Variants in PTPRN2 observed in about 807,000 individuals in gnomAD.
PTPRN2 encodes the protein protein tyrosine phosphatase receptor type N2, also known as receptor-type tyrosine-protein phosphatase N2.
A neutral mutation model predicts 118.8 loss-of-function variants in PTPRN2; 74 were observed. The observed-to-expected ratio is 0.62, with a 90% CI of 0.52 to 0.76. PTPRN2 has a LOEUF of 0.76. Ranked by LOEUF, PTPRN2 falls within the 30% of genes least tolerant of loss-of-function variation. The pLI is 0.00. For synonymous variants in PTPRN2, 641 were observed against 608.0 expected, an observed-to-expected ratio of 1.05 and a Z score of -0.80; for missense variants, 1,481 against 1,394.4, an observed-to-expected ratio of 1.06 and a Z score of -0.99.
chr7:157,603,879 T>C lies in PTPRN2; in HGVS notation c.2418+123A>G, dbSNP rs997179212. The stretch of plus-strand genomic sequence containing the variant: ...AGCCCAATGGGCAGAGTCGGCCCTG[T>C]CCACCGCAGAGACGCTGAGCTGGGT... On this transcript the variant is annotated intron_variant, in intron 16 of 22. Transcript: ENST00000389418. The surrounding 1 kb of genome is among the most constrained non-coding windows in gnomAD (Gnocchi z 5.4). 1.1e-6 allele frequency: 1 copy of C among 900,170 alleles called. No homozygotes were observed. The highest frequency in any genetic ancestry group is 1.7e-6 in the Non-Finnish European group (1 of 589,774). The allele number at this position is 900,170 out of a possible 1,614,324, so 55.8% of individuals were successfully genotyped here.
intron 11 of PTPRN2, among the ~76,000 whole-genome samples, chr7:157,923,608 C>T (rs1305582107): frequency 6.6e-6 from 1 of 152,152 alleles, no homozygotes; most frequent in Non-Finnish European, 1.5e-5. Flanking sequence ...AAATGTCAGA[C>T]CATTGATGGC....
rs531657093 is a variant in PTPRN2 at position 158,485,634 on chromosome 7, T to A, written c.163+4101A>T. The stretch of plus-strand genomic sequence containing the variant: ...CCCCGCCTGCTCGGCCACCCCTCTC[T>A]GCACCCCTCCTGCACAGGCCTCTCC... On this transcript the variant is annotated intron_variant, in intron 2 of 22. Transcript: ENST00000389418. Among the ~76,000 whole-genome samples the A allele has an allele frequency of 8.1e-5, 11 of 136,576 alleles. 3 individuals carry two copies. In the South Asian group the frequency reaches 1.5e-3, roughly 19 times the overall value. 89.6% of individuals were successfully genotyped at this position (136,576 alleles called of 152,430 possible). A position where few individuals can be genotyped will look rare whatever the true frequency, so the allele number is the denominator to read the frequency against.
intron 1 of PTPRN2, among the ~76,000 whole-genome samples, chr7:158,553,538 C>A (rs1388367884): frequency 6.6e-6 from 1 of 151,182 alleles, no homozygotes; most frequent in Non-Finnish European, 1.5e-5. Flanking sequence ...GTCTACATCG[C>A]CTTCCCTGTC....
At chr7:158,406,934 G>A (rs1417494706) in intron 2 of PTPRN2, among the ~76,000 whole-genome samples, 1 of 152,210 alleles carries the variant, frequency 6.6e-6, no homozygotes, top group East Asian at 1.9e-4. Flanking sequence ...TGTAAATACT[G>A]GACAAAGTCT....
intron 12 of PTPRN2, among the ~76,000 whole-genome samples, chr7:157,834,685 C>T (rs978446461): frequency 5.9e-5 from 9 of 152,242 alleles, no homozygotes; most frequent in East Asian, 1.9e-4. Context: ...AGTGCACGCT[C>T]GCAGAGGGGA....
intron 3 of PTPRN2, among the ~76,000 whole-genome samples, chr7:158,303,822 C>A (rs1319645233): frequency 6.6e-6 from 1 of 152,206 alleles, no homozygotes; most frequent in South Asian, 2.1e-4. Context: ...TTTAATATAA[C>A]GTCAGGGCTG....
chr7:158,083,176 T>C (rs1028825777), intron 10 of PTPRN2, among the ~76,000 whole-genome samples: 15 of 152,174 alleles, frequency 9.9e-5, no homozygotes, highest in African/African-American at 3.4e-4. Context: ...TTATAGATGT[T>C]TTCCTTCTTC....
At chr7:158,095,536 G>C (rs9654673) in intron 10 of PTPRN2, among the ~76,000 whole-genome samples, 50,308 of 151,764 alleles carry the variant, frequency 0.33, 8,526 homozygotes, top group Admixed American at 0.43. Flanking sequence ...TCAGTAATCT[G>C]CCCAGGGCCT....
rs199768281 is a variant in PTPRN2 at position 157,565,526 on chromosome 7, TG to T, written c.2902+3375del. On this transcript the variant is annotated intron_variant, in intron 21 of 22. Coordinates refer to ENST00000389418, the MANE Select transcript of PTPRN2 (RefSeq NM_002847.5). Reference sequence around the variant, plus strand: ...CTTCCGGCCCAGGCGCAGACCCTGGTGGGAATGCCGTGGAAGTTTGGCCACA... The same window carrying T: ...CTTCCGGCCCAGGCGCAGACCCTGGTGGAATGCCGTGGAAGTTTGGCCACA... Among the ~76,000 whole-genome samples, 1,123 of 152,302 alleles carry T rather than the reference TG, an allele frequency of 7.4e-3. 19 individuals carry two copies. The highest frequency in any genetic ancestry group is 0.026 in the African/African-American group (1,064 of 41,562).
chr7:157,897,906 C>T (rs1797224200), intron 12 of PTPRN2, among the ~76,000 whole-genome samples: 1 of 152,290 alleles, frequency 6.6e-6, no homozygotes, highest in South Asian at 2.1e-4. Flanking sequence ...CGCGGGAGCG[C>T]AGATTGGCTT....
intron 3 of PTPRN2, among the ~76,000 whole-genome samples, chr7:158,261,585 C>A (rs1385992298): frequency 6.6e-6 from 1 of 152,130 alleles, no homozygotes; most frequent in Non-Finnish European, 1.5e-5. Context: ...GGACTCCAGC[C>A]ACCCATCCTG....
intron 6 of PTPRN2, among the ~76,000 whole-genome samples, chr7:158,162,074 A>G (rs1822412124): frequency 1.3e-5 from 2 of 152,140 alleles, no homozygotes; most frequent in Non-Finnish European, 2.9e-5. Flanking sequence ...AACCCAGAAC[A>G]TTGACAACAC....
chr7:158,505,178 A>T lies in PTPRN2; in HGVS notation c.113-15393T>A, dbSNP rs555871975. ...CCTCTTTTTTCCCACTATATCACTG[A>T]GGCATAAGTCTGAACCACTGTTAGT... is the stretch of plus-strand genomic sequence containing the variant. On this transcript the variant is annotated intron_variant, in intron 1 of 22. Transcript: ENST00000389418. 8.7e-4 allele frequency among the ~76,000 whole-genome samples: 133 copies of T among 152,320 alleles called. 2 individuals are homozygous for T. Among genetic ancestry groups the T allele is most frequent in the South Asian group, 1.7e-3 (8 of 4,826 alleles).
rs926828486 is a variant in PTPRN2 at position 157,964,829 on chromosome 7, G to T, written c.1724-66092C>A. Among the ~76,000 whole-genome samples the T allele has an allele frequency of 1.3e-5, 2 of 152,202 alleles. No homozygotes were observed. The highest frequency in any genetic ancestry group is 2.4e-5 in the African/African-American group (1 of 41,450). ...GATCCCCATGGCCTGTTCTTTCGAC[G>T]ATCCTCCTCTTGCCCCAATTTCTCC... On this transcript the variant is annotated intron_variant, in intron 11 of 22. Coordinates refer to ENST00000389418, the MANE Select transcript of PTPRN2 (RefSeq NM_002847.5). The surrounding 1 kb of genome is among the most constrained non-coding windows in gnomAD (Gnocchi z 9.0).
rs1373950174 is a variant in PTPRN2 at position 158,570,018 on chromosome 7, C to T, written c.112+17540G>A. 1.3e-5 allele frequency among the ~76,000 whole-genome samples: 2 copies of T among 152,196 alleles called. No individual in the cohort carries two copies. The highest frequency in any genetic ancestry group is 1.9e-4 in the East Asian group (1 of 5,160). ...GAGCCCAGAGCCCACGCGCCAAGGCCGCCAGGCCTTTCCTCCCTCGCGTTC... is the reference window on the plus strand; with the variant it reads ...GAGCCCAGAGCCCACGCGCCAAGGCTGCCAGGCCTTTCCTCCCTCGCGTTC... On this transcript the variant is annotated intron_variant, in intron 1 of 22. Coordinates refer to ENST00000389418, the MANE Select transcript of PTPRN2 (RefSeq NM_002847.5). The surrounding 1 kb of genome is among the most constrained non-coding windows in gnomAD (Gnocchi z 4.5).
chr7:157,854,246 C>T (rs911427235), intron 12 of PTPRN2, among the ~76,000 whole-genome samples: 1 of 152,252 alleles, frequency 6.6e-6, no homozygotes, highest in Non-Finnish European at 1.5e-5. Context: ...GACTGTCATC[C>T]CCCGACATGA....
At chr7:157,955,797 G>A (rs1563272145) in intron 11 of PTPRN2, among the ~76,000 whole-genome samples, 1 of 152,192 alleles carries the variant, frequency 6.6e-6, no homozygotes, top group South Asian at 2.1e-4. Context: ...ATTAGCCCAG[G>A]GGTGTGGAAC....
intron 11 of PTPRN2, among the ~76,000 whole-genome samples, chr7:157,932,858 G>A (rs1243938624): frequency 6.6e-6 from 1 of 150,638 alleles, no homozygotes; most frequent in Non-Finnish European, 1.5e-5. Context: ...GAGTCATTCT[G>A]ATTGACAGTT....
chr7:157,723,254 C>T (rs1799344985), intron 12 of PTPRN2, among the ~76,000 whole-genome samples: 1 of 152,218 alleles, frequency 6.6e-6, no homozygotes, highest in African/African-American at 2.4e-5. Flanking sequence ...GCCTCTGCCC[C>T]CACACTCTGG....
Sources: allele counts gnomAD v4.1 joint callset (sites outside exome capture counted in the v4.1 genomes callset), GRCh38; gene constraint gnomAD v4.1.1; non-coding constraint Gnocchi (gnomAD v3.1); transcripts MANE v1.5; gene names NCBI Gene and HGNC (gene_info 2026-07-23, HGNC 2026-07-21).